Variants in EYS observed in about 807,000 individuals in gnomAD.
The protein encoded by EYS is protein eyes shut homolog.
EYS carries 250 observed loss-of-function variants against 282.1 expected under a neutral mutation model. The observed-to-expected ratio is 0.89, with a 90% confidence interval of 0.80 to 0.98. EYS has a LOEUF of 0.98. EYS is among the 50% of genes least tolerant of loss of function. The pLI, the probability that EYS is intolerant of heterozygous loss-of-function variation, is 0.00. For missense variants in EYS, 4,016 were observed against 3,709.0 expected (o/e 1.08, Z -2.15); for synonymous variants, 1,355 against 1,282.9 (o/e 1.06, Z -1.20).
intron 13 of EYS, among the ~76,000 whole-genome samples, chr6:65,013,703 C>T (rs1247005035): frequency 1.3e-5 from 2 of 151,916 alleles, no homozygotes; most frequent in Non-Finnish European, 2.9e-5. Context: ...TAGTGAGACC[C>T]CTAGAGGTGG....
chr6:63,827,775 C>A (rs573618454), intron 36 of EYS, among the ~76,000 whole-genome samples: 2 of 145,404 alleles, frequency 1.4e-5, no homozygotes, highest in Admixed American at 1.4e-4. Flanking sequence ...ACCCGGGAAG[C>A]GGAGCTTGCA....
chr6:65,018,833 T>A (rs1345717598), intron 13 of EYS, among the ~76,000 whole-genome samples: 1 of 152,202 alleles, frequency 6.6e-6, no homozygotes, highest in Admixed American at 6.5e-5. Flanking sequence ...TGCTTGTTGT[T>A]TAGTAGTTCT....
chr6:64,868,699 G>T (rs1380706685), intron 19 of EYS, among the ~76,000 whole-genome samples: 1 of 151,436 alleles, frequency 6.6e-6, no homozygotes, highest in Admixed American at 6.6e-5. Flanking sequence ...GTTCAAAGAT[G>T]GGGGAGAATA....
intron 26 of EYS, among the ~76,000 whole-genome samples, chr6:64,517,274 C>T (rs530233521): frequency 6.6e-6 from 1 of 151,870 alleles, no homozygotes; most frequent in East Asian, 1.9e-4. Context: ...ACAAAGATGT[C>T]TGTGTTGGCA....
At chr6:64,933,813 T>A (rs866462442) in intron 15 of EYS, among the ~76,000 whole-genome samples, 18 of 152,032 alleles carry the variant, frequency 1.2e-4, no homozygotes, top group Non-Finnish European at 5.9e-5. Context: ...TAAAAAAGGA[T>A]GAGTTTATGT....
chr6:63,892,960 G>C (rs2149725961), intron 35 of EYS, among the ~76,000 whole-genome samples: 1 of 152,138 alleles, frequency 6.6e-6, no homozygotes, highest in South Asian at 2.1e-4. Context: ...CGTTTATGCA[G>C]CCAACAAGCA....
chr6:65,140,011 T>C (rs1764288132), intron 12 of EYS, among the ~76,000 whole-genome samples: 1 of 152,028 alleles, frequency 6.6e-6, no homozygotes, highest in African/African-American at 2.4e-5. Flanking sequence ...AACTTATGTT[T>C]TCCAAGTAAA....
At chr6:65,491,856 T>C (rs1766057538) in intron 4 of EYS, among the ~76,000 whole-genome samples, 1 of 152,054 alleles carries the variant, frequency 6.6e-6, no homozygotes, top group Non-Finnish European at 1.5e-5. Context: ...ATAAGGTCAG[T>C]AGGGTGCGTC....
intron 2 of EYS, among the ~76,000 whole-genome samples, chr6:65,540,127 A>G (rs1218746943): frequency 6.6e-6 from 1 of 152,226 alleles, no homozygotes; most frequent in Non-Finnish European, 1.5e-5. Context: ...TAAATCCAGA[A>G]GGGACATAAG....
rs36120803 is a variant in EYS, at chr6:64,506,971, G to GTTT, written c.5645-67622_5645-67620dup. Among the ~76,000 whole-genome samples the GTTT allele has an allele frequency of 5.9e-5, 7 of 117,972 alleles. No individual in the cohort carries two copies. In the South Asian group the frequency reaches 1.5e-3, roughly 26 times the overall value. The allele number at this position is 117,972 out of a possible 152,430, so 77.4% of individuals were successfully genotyped here. Reference sequence around the variant, plus strand: ...TAAAGTAGTCCTCCCTCCAGTTTCAGTTTTTTTTTTTTTTTTGAGATGGAG... The same window carrying GTTT: ...TAAAGTAGTCCTCCCTCCAGTTTCAGTTTTTTTTTTTTTTTTTTTGAGATGGAG... On this transcript the variant is annotated intron_variant, in intron 26 of 42. Transcript: ENST00000503581.
intron 16 of EYS, among the ~76,000 whole-genome samples, chr6:64,904,291 C>T (rs1218508668): frequency 6.6e-6 from 1 of 152,152 alleles, no homozygotes; most frequent in African/African-American, 2.4e-5. Context: ...GCAAATGAAT[C>T]TCTGAAGTTA....
intron 30 of EYS, among the ~76,000 whole-genome samples, chr6:64,298,812 A>G (rs1157652749): frequency 6.6e-6 from 1 of 152,158 alleles, no homozygotes; most frequent in Non-Finnish European, 1.5e-5. Flanking sequence ...CAAATATTAA[A>G]TAGATTAAAA....
At chr6:65,165,973 G>A (rs749705277) in intron 12 of EYS, among the ~76,000 whole-genome samples, 9 of 150,856 alleles carry the variant, frequency 6.0e-5, no homozygotes, top group Non-Finnish European at 8.9e-5. Context: ...AGTCCCATTA[G>A]CAACATCTTC....
chr6:64,628,871 A>C (rs1252964531), intron 22 of EYS, among the ~76,000 whole-genome samples: 1 of 152,222 alleles, frequency 6.6e-6, no homozygotes, highest in Non-Finnish European at 1.5e-5. Flanking sequence ...CAAGGGTAGC[A>C]CAGAATGTTC....
At chr6:64,078,000 G>A (rs1323508136) in intron 32 of EYS, among the ~76,000 whole-genome samples, 4 of 151,940 alleles carry the variant, frequency 2.6e-5, no homozygotes, top group East Asian at 1.9e-4. Context: ...CCGTAACCCC[G>A]TAAGGATTCA....
At position 65,463,080 on chromosome 6, in the gene EYS, T is replaced by C. The variant is rs115537059; in HGVS notation, c.862+27514A>G. Among the ~76,000 whole-genome samples, 1,400 of 152,170 alleles carry C rather than the reference T, an allele frequency of 9.2e-3. 10 individuals are homozygous for C. The highest frequency in any genetic ancestry group is 0.014 in the Non-Finnish European group (931 of 67,988). On this transcript the variant is annotated intron_variant, in intron 5 of 42. Coordinates refer to ENST00000503581, the MANE Select transcript of EYS (RefSeq NM_001142800.2). Reference sequence around the variant, plus strand: ...CTCACCACAGCAGTCAGAATGACTGTTTCCAAACATGTCAGACCATGTTAC... The same window carrying C: ...CTCACCACAGCAGTCAGAATGACTGCTTCCAAACATGTCAGACCATGTTAC...
At chr6:64,305,764 T>A (rs1035884198) in intron 30 of EYS, among the ~76,000 whole-genome samples, 2 of 152,144 alleles carry the variant, frequency 1.3e-5, no homozygotes, top group Non-Finnish European at 2.9e-5. Context: ...AAGCTGAAAC[T>A]TTAAAGCTTT....
chr6:65,647,904 C>T (rs1767509581), intron 1 of EYS, among the ~76,000 whole-genome samples: 1 of 152,094 alleles, frequency 6.6e-6, no homozygotes, highest in Admixed American at 6.6e-5. Flanking sequence ...AAAAGATATA[C>T]AAATGGCCAG....
Position 65,251,015 on chromosome 6 carries a change from A to G in EYS, c.2023+44848T>C, listed in dbSNP as rs1225975121. ...TATGAAAAAAATATCCGGAAAATAG[A>G]TAAGAAAAATATAAATAACAACAGA... On this transcript the variant is annotated intron_variant, in intron 12 of 42. Transcript: ENST00000503581. Among the ~76,000 whole-genome samples the G allele has an allele frequency of 2.7e-5, 4 of 149,028 alleles. No homozygotes were observed. In the East Asian group the frequency reaches 5.9e-4, roughly 22 times the overall value.
Sources: gnomAD v4.1 joint callset for allele counts (sites outside exome capture counted in the v4.1 genomes callset) on GRCh38, gnomAD v4.1.1 for gene constraint, MANE v1.5 for transcripts, NCBI Gene and HGNC (gene_info 2026-07-23, HGNC 2026-07-21) for gene names.